Variants in SOX5 observed in about 807,000 individuals in gnomAD.
SOX5 encodes the protein SRY-box transcription factor 5, also known as transcription factor SOX-5.
In SOX5, 9 loss-of-function variants were observed where a neutral mutation model predicts 92.0. The observed-to-expected ratio is 0.10, with a 90% CI of 0.06 to 0.17. The LOEUF (loss-of-function observed/expected upper bound fraction) is 0.17, where lower values mean the gene tolerates loss of function less well. Ranked by LOEUF, SOX5 falls within the 10% of genes least tolerant of loss-of-function variation. SOX5 has a pLI of 1.00. For synonymous variants in SOX5, 344 were observed against 336.3 expected (o/e 1.02, Z -0.25); for missense variants, 642 against 944.5 (o/e 0.68, Z 4.20).
At chr12:23,835,308 AG>A (rs2096395233) in intron 3 of SOX5, among the ~76,000 whole-genome samples, 1 of 151,910 alleles carries the variant, frequency 6.6e-6, no homozygotes, top group African/African-American at 2.4e-5. Flanking sequence ...AAGGGAAAAA[AG>A]GAACCTGGAC....
intron 2 of SOX5, among the ~76,000 whole-genome samples, chr12:23,870,362 ATAAG>A (rs981540234): frequency 3.3e-5 from 5 of 152,294 alleles, no homozygotes; most frequent in African/African-American, 9.6e-5. Context: ...GGGCAAAAGC[ATAAG>A]TAAGAGTGAA....
chr12:24,244,315 G>C (rs1938162185), intron 3 of SOX5, among the ~76,000 whole-genome samples: 1 of 152,204 alleles, frequency 6.6e-6, no homozygotes, highest in South Asian at 2.1e-4. Context: ...ATGGGGTCTG[G>C]AGATGCATGT....
chr12:24,347,596 A>G (rs1953469205), intron 2 of SOX5, among the ~76,000 whole-genome samples: 1 of 152,228 alleles, frequency 6.6e-6, no homozygotes, highest in African/African-American at 2.4e-5. Flanking sequence ...TCATCATAGG[A>G]AATAAATGTG....
chr12:23,738,209 T>G (rs1228066196), intron 5 of SOX5, among the ~76,000 whole-genome samples: 1 of 152,220 alleles, frequency 6.6e-6, no homozygotes, highest in Non-Finnish European at 1.5e-5. Context: ...TTGTAACAGC[T>G]ATACCAGAAG....
intron 4 of SOX5, among the ~76,000 whole-genome samples, chr12:24,051,415 A>C (rs1264574248): frequency 6.6e-6 from 1 of 152,160 alleles, no homozygotes; most frequent in Non-Finnish European, 1.5e-5. Context: ...TATCAAGTGC[A>C]CTTAAAAATA....
chr12:24,164,235 G>T (rs1163197989), intron 4 of SOX5, among the ~76,000 whole-genome samples: 1 of 151,960 alleles, frequency 6.6e-6, no homozygotes, highest in Non-Finnish European at 1.5e-5. Flanking sequence ...ATACCCATCA[G>T]TAGAACTGTA....
intron 6 of SOX5, among the ~76,000 whole-genome samples, chr12:23,716,281 C>T (rs1029240191): frequency 6.6e-6 from 1 of 151,984 alleles, no homozygotes; most frequent in Non-Finnish European, 1.5e-5. Context: ...TCATTATTAA[C>T]AGAGGAAAAG....
chr12:23,772,950 G>A (rs549853122), intron 3 of SOX5, among the ~76,000 whole-genome samples: 1 of 152,086 alleles, frequency 6.6e-6, no homozygotes, highest in Non-Finnish European at 1.5e-5. Context: ...AAGCAAATCG[G>A]TATCTGCAAG....
At chr12:23,712,085 C>G (rs1228770425) in intron 6 of SOX5, among the ~76,000 whole-genome samples, 1 of 152,158 alleles carries the variant, frequency 6.6e-6, no homozygotes, top group Non-Finnish European at 1.5e-5. Context: ...TGGTGAGAAT[C>G]GTGCTATTTT....
rs879348319 is a variant in SOX5 at position 23,839,130 on chromosome 12, T to A, written c.481+6853A>T. The stretch of plus-strand genomic sequence containing the variant: ...TCTCAGAGTGCTGGGATTACAGGTG[T>A]GAGCCACTGTGCCTGGCCCCCAGTA... On this transcript the variant is annotated intron_variant, in intron 3 of 14. Coordinates refer to ENST00000451604, the MANE Select transcript of SOX5 (RefSeq NM_006940.6). Among the ~76,000 whole-genome samples, 22 of 152,042 alleles carry A rather than the reference T, an allele frequency of 1.4e-4. 1 individual carries two copies. Among genetic ancestry groups the A allele is most frequent in the Admixed American group, 1.4e-3 (22 of 15,244 alleles).
rs1434949526 is a variant in SOX5, at chr12:23,704,715, T to TATATATATATAC, written c.810+29968_810+29969insGTATATATATAT. 1.7e-3 allele frequency among the ~76,000 whole-genome samples: 180 copies of TATATATATATAC among 108,342 alleles called. 1 individual carries two copies. Among genetic ancestry groups the TATATATATATAC allele is most frequent in the African/African-American group, 5.4e-3 (167 of 30,996 alleles). 71.1% of individuals were successfully genotyped at this position (108,342 alleles called of 152,430 possible). On this transcript the variant is annotated intron_variant, in intron 6 of 14. Transcript: ENST00000451604. ...ATATATATATATATATATATATATA[T>TATATATATATAC]ACACACACACACACACATACACACA...
At chr12:24,352,457 G>A (rs530138199) in intron 2 of SOX5, among the ~76,000 whole-genome samples, 46 of 152,146 alleles carry the variant, frequency 3.0e-4, no homozygotes, top group Non-Finnish European at 1.9e-4. Context: ...GATCATTCCC[G>A]TGACCTTCCT....
rs1593767336 is a variant in SOX5, at chr12:24,161,610, G to C, written c.-2+51733C>G. ...AGGAGATGAGAGGTTCAAGTGGTTG[G>C]ATACACCCAATAGAATCAAATGTTG... On this transcript the variant is annotated intron_variant, in intron 4 of 4. Transcript: ENST00000446891. Among the ~76,000 whole-genome samples the C allele has an allele frequency of 4.6e-5, 7 of 152,138 alleles. 1 individual carries two copies. The highest frequency in any genetic ancestry group is 4.6e-4 in the Admixed American group (7 of 15,262).
At chr12:24,117,231 T>C (rs1304877305) in intron 4 of SOX5, among the ~76,000 whole-genome samples, 1 of 152,120 alleles carries the variant, frequency 6.6e-6, no homozygotes, top group African/African-American at 2.4e-5. Context: ...TTACTAATCA[T>C]CAGGGAAATG....
At chr12:24,513,317 C>T (rs562122084) in intron 1 of SOX5, among the ~76,000 whole-genome samples, 3 of 152,310 alleles carry the variant, frequency 2.0e-5, no homozygotes, top group East Asian at 1.9e-4. Flanking sequence ...CATTGTAAGT[C>T]GAGGAGCAAC....
At chr12:24,198,338 A>G (rs1957198418) in intron 4 of SOX5, among the ~76,000 whole-genome samples, 1 of 152,204 alleles carries the variant, frequency 6.6e-6, no homozygotes, top group African/African-American at 2.4e-5. Flanking sequence ...TTTCAAACAG[A>G]TATTTGGGAA....
chr12:23,689,242 A>G (rs909690708), intron 6 of SOX5, among the ~76,000 whole-genome samples: 4 of 152,004 alleles, frequency 2.6e-5, no homozygotes, highest in Non-Finnish European at 5.9e-5. Flanking sequence ...CTTACTTAGG[A>G]GCTACTTTCT....
chr12:24,259,410 T>C (rs1381817875), intron 3 of SOX5, among the ~76,000 whole-genome samples: 1 of 152,230 alleles, frequency 6.6e-6, no homozygotes, highest in African/African-American at 2.4e-5. Flanking sequence ...TTCAATGCAT[T>C]GTTTACTGAG....
chr12:24,031,905 GA>G (rs941168877), intron 4 of SOX5, among the ~76,000 whole-genome samples: 29 of 151,574 alleles, frequency 1.9e-4, no homozygotes, highest in African/African-American at 7.0e-4. Flanking sequence ...AATGGAAATA[GA>G]AAAAAAATTA....
Sources: gnomAD v4.1 joint callset for allele counts (sites outside exome capture counted in the v4.1 genomes callset) on GRCh38, gnomAD v4.1.1 for gene constraint, MANE v1.5 for transcripts, NCBI Gene and HGNC (gene_info 2026-07-23, HGNC 2026-07-21) for gene names.